The following GON4L variants were observed in gnomAD, a reference collection of about 807,000 sequenced individuals.
GON4L encodes gon-4 like.
In GON4L, 87 loss-of-function variants were observed where a neutral mutation model predicts 211.8. The observed-to-expected ratio is 0.41, with a 90% CI of 0.35 to 0.49. GON4L has a LOEUF of 0.49. Ranked by LOEUF, GON4L falls within the 20% of genes least tolerant of loss-of-function variation. GON4L has a pLI of 0.15. For synonymous variants in GON4L, 875 were observed against 962.6 expected (o/e 0.91, Z 1.68); for missense variants, 2,155 against 2,659.5 (o/e 0.81, Z 4.17).
intron 2 of GON4L, among the ~76,000 whole-genome samples, chr1:155,839,056 A>G (rs1434321334): frequency 6.6e-6 from 1 of 152,118 alleles, no homozygotes; most frequent in Non-Finnish European, 1.5e-5. Flanking sequence ...AAACTTACCA[A>G]AGAAGATGTG....
intron 29 of GON4L, 133 bp from the exon 30 acceptor site, chr1:155,752,723 T>C: frequency 7.2e-7 from 1 of 1,381,664 alleles, no homozygotes; most frequent in Non-Finnish European, 1.0e-6. Flanking sequence ...CTCACACCTA[T>C]AATGTCCGCA....
intron 2 of GON4L, among the ~76,000 whole-genome samples, chr1:155,851,093 G>A (rs12043062): frequency 3.5e-5 from 5 of 143,730 alleles, no homozygotes; most frequent in Non-Finnish European, 7.5e-5. Context: ...GGTGGCACAC[G>A]CCTGTAATCC....
intron 17 of GON4L, chr1:155,774,753 C>A: frequency 1.7e-6 from 1 of 583,424 alleles, no homozygotes; most frequent in Non-Finnish European, 3.1e-6. Flanking sequence ...TAGCACTGAG[C>A]CTCAGATCTC....
At chr1:155,804,272 C>G (rs957321569) in intron 11 of GON4L, among the ~76,000 whole-genome samples, 26 of 152,056 alleles carry the variant, frequency 1.7e-4, no homozygotes, top group African/African-American at 6.0e-4. Context: ...ACTTGGGAGG[C>G]TGAGACCTGA....
At chr1:155,793,378 G>A (rs953840605) in intron 12 of GON4L, among the ~76,000 whole-genome samples, 4 of 152,106 alleles carry the variant, frequency 2.6e-5, no homozygotes, top group Non-Finnish European at 5.9e-5. Context: ...TTTACACAAA[G>A]AACTGCATTA....
chr1:155,829,551 G>A (rs1170956014), intron 2 of GON4L, among the ~76,000 whole-genome samples: 1 of 152,204 alleles, frequency 6.6e-6, no homozygotes, highest in Non-Finnish European at 1.5e-5. Flanking sequence ...AGTGAGCCAA[G>A]GTTGCAGTGA....
At chr1:155,812,597 C>T (rs1400269586) in intron 10 of GON4L, among the ~76,000 whole-genome samples, 3 of 151,498 alleles carry the variant, frequency 2.0e-5, no homozygotes, top group Admixed American at 1.3e-4. Flanking sequence ...TCTCCATTGC[C>T]CAGGCTGGAG....
intron 23 of GON4L, among the ~76,000 whole-genome samples, chr1:155,761,119 C>T (rs1661743007): frequency 6.7e-6 from 1 of 149,972 alleles, no homozygotes; most frequent in Non-Finnish European, 1.5e-5. Context: ...AGGTGGTTAC[C>T]AAGAGAAGGA....
chr1:155,818,127 C>T (rs1557895708), intron 6 of GON4L, among the ~76,000 whole-genome samples: 2 of 144,822 alleles, frequency 1.4e-5, no homozygotes, highest in Non-Finnish European at 3.0e-5. Flanking sequence ...TAATTATATT[C>T]TTTTTTTTTT....
intron 19 of GON4L, among the ~76,000 whole-genome samples, chr1:155,769,258 G>A (rs1490006618): frequency 6.6e-6 from 1 of 152,050 alleles, no homozygotes; most frequent in African/African-American, 2.4e-5. Flanking sequence ...TTACAGGCCT[G>A]AGCCACCGTG....
At chr1:155,754,988 C>T (rs9427227) in intron 27 of GON4L, among the ~76,000 whole-genome samples, 9,375 of 148,828 alleles carry the variant, frequency 0.063, 1,040 homozygotes, top group African/African-American at 0.22. Context: ...CTCACTGCAA[C>T]CTCTGCCTCC....
chr1:155,767,173 C>T (rs1662601832), intron 20 of GON4L: 5 of 905,474 alleles, frequency 5.5e-6, no homozygotes, highest in Admixed American at 2.9e-5. Flanking sequence ...ACAAAGACCA[C>T]ATTCTAATTA....
intron 2 of GON4L, among the ~76,000 whole-genome samples, chr1:155,830,403 G>A (rs1393104408): frequency 3.3e-5 from 5 of 150,342 alleles, no homozygotes; most frequent in Non-Finnish European, 7.4e-5. Flanking sequence ...TCAGCCTCCC[G>A]AGTGGCTGGG....
chr1:155,805,846 C>T (rs1667076136), intron 10 of GON4L, among the ~76,000 whole-genome samples: 1 of 151,088 alleles, frequency 6.6e-6, no homozygotes, highest in African/African-American at 2.4e-5. Flanking sequence ...CCAGCCACGA[C>T]ATCTGACTAA....
At chr1:155,810,963 C>G (rs7552711) in intron 10 of GON4L, among the ~76,000 whole-genome samples, 4,154 of 151,770 alleles carry the variant, frequency 0.027, 197 homozygotes, top group African/African-American at 0.092. Context: ...ATGTTGCAGT[C>G]AGCTGAGATC....
chr1:155,752,080 T>A lies in GON4L; in HGVS notation c.6353A>T (p.Asp2118Val), dbSNP rs578012401. Residue 2118 changes from aspartate to valine, a missense_variant, in exon 30 of 32, where the codon GAC becomes GTC. Asp to Val is a radical substitution (Grantham distance 152). Coordinates refer to ENST00000368331, the MANE Select transcript of GON4L (RefSeq NM_001282860.2). ...PKAPRGGLAK[D>V]SGTQAKGPEG... ...TGGACCCTTGGCCTGTGTTCCACTG[T>A]CTTTAGCCAAACCCCCTCTAGGGGC... 3 of 1,613,750 alleles carry A rather than the reference T, an allele frequency of 1.9e-6. No individual in the cohort carries two copies. The highest frequency in any genetic ancestry group is 1.7e-6 in the Non-Finnish European group (2 of 1,179,710).
chr1:155,841,732 AT>A (rs544325614), intron 2 of GON4L, among the ~76,000 whole-genome samples: 44 of 152,334 alleles, frequency 2.9e-4, no homozygotes, highest in African/African-American at 1.1e-3. Context: ...TTGGCCAGCA[AT>A]ATTGCCTCTG....
intron 2 of GON4L, among the ~76,000 whole-genome samples, chr1:155,849,986 T>TAA (rs367553803): frequency 1.5e-3 from 187 of 124,324 alleles, no homozygotes; most frequent in African/African-American, 5.3e-3. Context: ...ATTCTGCTCT[T>TAA]AAAAAAAAAA....
At position 155,750,504 on chromosome 1, in the gene GON4L, T is replaced by C. The variant is rs957410336; in HGVS notation, c.*80A>G. The C allele has an allele frequency of 8.0e-7, 1 of 1,257,308 alleles. No homozygotes were observed. The highest frequency in any genetic ancestry group is 1.5e-5 in the African/African-American group (1 of 68,010). The allele number at this position is 1,257,308 out of a possible 1,614,324, so 77.9% of individuals were successfully genotyped here. ...ATCTGTAAACTGGGCTCAAGGACTG[T>C]ACAAGCAGAGTACAACTACCCCCTC... On this transcript the variant is annotated 3_prime_UTR_variant, in exon 32 of 32. Coordinates refer to ENST00000368331, the MANE Select transcript of GON4L (RefSeq NM_001282860.2).
Sources: allele counts gnomAD v4.1 joint callset (sites outside exome capture counted in the v4.1 genomes callset), GRCh38; gene constraint gnomAD v4.1.1; transcripts MANE v1.5; gene names NCBI Gene and HGNC (gene_info 2026-07-23, HGNC 2026-07-21).